The following GRIP1 variants were observed in gnomAD, a reference collection of about 807,000 sequenced individuals.
GRIP1 encodes glutamate receptor-interacting protein 1.
In GRIP1, 45 loss-of-function variants were observed where a neutral mutation model predicts 129.9. The ratio of observed to expected loss-of-function variants is 0.35; its 90% confidence interval spans 0.27 to 0.44. The LOEUF (loss-of-function observed/expected upper bound fraction) is 0.44. Ranked by LOEUF, GRIP1 falls within the 20% of genes least tolerant of loss-of-function variation. GRIP1 has a pLI of 1.00. For synonymous variants in GRIP1, 530 were observed against 520.8 expected (o/e 1.02, Z -0.24); for missense variants, 1,196 against 1,396.8 (o/e 0.86, Z 2.29).
intron 1 of GRIP1, among the ~76,000 whole-genome samples, chr12:67,020,091 A>G (rs2042843475): frequency 6.6e-6 from 1 of 152,192 alleles, no homozygotes. Context: ...TTTAAATATT[A>G]AGTGAAAAGC....
At chr12:66,935,317 T>C (rs75515858) in intron 1 of GRIP1, among the ~76,000 whole-genome samples, 2,141 of 152,194 alleles carry the variant, frequency 0.014, 56 homozygotes, top group African/African-American at 0.049. Context: ...TTGATAGAAG[T>C]CTCCATTATT....
chr12:66,933,174 GA>G (rs1345839195), intron 1 of GRIP1, among the ~76,000 whole-genome samples: 2 of 152,070 alleles, frequency 1.3e-5, no homozygotes, highest in Non-Finnish European at 2.9e-5. Flanking sequence ...CTTCTTTCTT[GA>G]ATACAGTCAA....
At chr12:66,637,413 TCTACATA>T (rs1347844265) in intron 1 of GRIP1, among the ~76,000 whole-genome samples, 1 of 151,882 alleles carries the variant, frequency 6.6e-6, no homozygotes, top group Non-Finnish European at 1.5e-5. Flanking sequence ...TGTATGTCCA[TCTACATA>T]CTACATACTC....
At chr12:66,971,506 G>A (rs1387072918) in intron 1 of GRIP1, among the ~76,000 whole-genome samples, 1 of 152,170 alleles carries the variant, frequency 6.6e-6, no homozygotes, top group Non-Finnish European at 1.5e-5. Flanking sequence ...AATATTTGTT[G>A]AGCACCTATT....
intron 1 of GRIP1, among the ~76,000 whole-genome samples, chr12:66,819,913 T>C (rs1316523013): frequency 6.6e-6 from 1 of 152,228 alleles, no homozygotes; most frequent in African/African-American, 2.4e-5. Context: ...GAACTGATGC[T>C]GGGCTAGGAA....
In GRIP1 at chr12:66,516,163, A is replaced by G. The variant is rs558510709; in HGVS notation, c.579-399T>C. On this transcript the variant is annotated intron_variant, in intron 6 of 24. Transcript: ENST00000359742. Reference sequence around the variant, plus strand: ...CAGAAAAGCCTGCGAATTTCATTCAAATCATTACTAGTGAATCCAAGCAGG... The same window carrying G: ...CAGAAAAGCCTGCGAATTTCATTCAGATCATTACTAGTGAATCCAAGCAGG... Among the ~76,000 whole-genome samples the G allele has an allele frequency of 3.3e-5, 5 of 152,280 alleles. No homozygotes were observed. The East Asian group carries it at 5.8e-4, about 18-fold the overall frequency.
intron 1 of GRIP1, among the ~76,000 whole-genome samples, chr12:66,644,386 A>T (rs1317857632): frequency 6.6e-6 from 1 of 152,212 alleles, no homozygotes; most frequent in Non-Finnish European, 1.5e-5. Flanking sequence ...AACTACAGAA[A>T]GAGCAATTGC....
At position 66,348,930 on chromosome 12, in the gene GRIP1, T is replaced by C. The variant is rs527813376; in HGVS notation, c.*89A>G. The C allele has an allele frequency of 1.3e-5, 12 of 921,788 alleles. No individual in the cohort carries two copies. The highest frequency in any genetic ancestry group is 1.8e-5 in the Non-Finnish European group (10 of 547,858). The allele number at this position is 921,788 out of a possible 1,614,324, so 57.1% of individuals were successfully genotyped here. On this transcript the variant is annotated 3_prime_UTR_variant, in exon 25 of 25. Coordinates refer to ENST00000359742, the MANE Select transcript of GRIP1 (RefSeq NM_001366722.1). Reference sequence around the variant, plus strand: ...TTGCAGTTAATGCCACGTTGATTGATTATCTGTGCTTCAAAGGTCACAGAA... The same window carrying C: ...TTGCAGTTAATGCCACGTTGATTGACTATCTGTGCTTCAAAGGTCACAGAA...
intron 1 of GRIP1, among the ~76,000 whole-genome samples, chr12:66,760,624 C>T (rs1592817977): frequency 2.0e-5 from 3 of 152,152 alleles, no homozygotes; most frequent in Admixed American, 6.5e-5. Context: ...GTTCCTCCCA[C>T]AAAGTGTGGG....
rs180825210 is a variant in GRIP1 at position 66,713,569 on chromosome 12, G to A, written c.-419-83233C>T. Among the ~76,000 whole-genome samples the A allele has an allele frequency of 1.6e-4, 25 of 151,852 alleles. No homozygotes were observed. The East Asian group carries it at 4.1e-3, about 25-fold the overall frequency. ...TCTTGAACCCCCCATTCTTGGTGCC[G>A]CTGCTCATGCTGTGCAGCTTATCTG... On this transcript the variant is annotated intron_variant, in intron 1 of 4. Coordinates refer to the GRIP1 transcript ENST00000538373.
intron 1 of GRIP1, among the ~76,000 whole-genome samples, chr12:66,742,142 C>T (rs572699714): frequency 6.6e-6 from 1 of 152,228 alleles, no homozygotes; most frequent in African/African-American, 2.4e-5. Flanking sequence ...CTGCCAGTTT[C>T]TCTGAGGTTT....
intron 1 of GRIP1, among the ~76,000 whole-genome samples, chr12:66,820,271 T>G (rs1354469023): frequency 6.6e-6 from 1 of 152,158 alleles, no homozygotes; most frequent in African/African-American, 2.4e-5. Context: ...TCATATGCGA[T>G]TAGAGAAATG....
intron 1 of GRIP1, among the ~76,000 whole-genome samples, chr12:66,721,710 G>A (rs2036062557): frequency 6.6e-6 from 1 of 152,138 alleles, no homozygotes; most frequent in Non-Finnish European, 1.5e-5. Flanking sequence ...AGTCCCAAAT[G>A]TCTTCTTCTT....
intron 1 of GRIP1, among the ~76,000 whole-genome samples, chr12:66,971,708 G>A (rs983469276): frequency 2.6e-5 from 4 of 152,170 alleles, no homozygotes; most frequent in Non-Finnish European, 5.9e-5. Flanking sequence ...ATCACAGAGA[G>A]TATAAATGTC....
At chr12:66,383,338 C>CAACA in intron 19 of GRIP1, among the ~76,000 whole-genome samples, 1 of 150,808 alleles carries the variant, frequency 6.6e-6, no homozygotes, top group Middle Eastern at 3.4e-3. Flanking sequence ...ACAACAACAA[C>CAACA]AACAACAGAC....
chr12:66,714,920 C>CA (rs111521755), intron 1 of GRIP1, among the ~76,000 whole-genome samples: 253 of 66,150 alleles, frequency 3.8e-3, no homozygotes, highest in East Asian at 7.7e-3. Flanking sequence ...TCCATCCATC[C>CA]ATCCAATCCA....
At chr12:66,979,233 A>AC (rs1379691279) in intron 1 of GRIP1, among the ~76,000 whole-genome samples, 16 of 100,134 alleles carry the variant, frequency 1.6e-4, no homozygotes, top group Admixed American at 5.4e-4. Flanking sequence ...AAAAAAAAAA[A>AC]AAAAAAAAAA....
At position 66,935,420 on chromosome 12, in the gene GRIP1, T is replaced by C. The variant is rs141078301; in HGVS notation, c.58+133630A>G. 9.3e-4 allele frequency among the ~76,000 whole-genome samples: 142 copies of C among 152,074 alleles called. 2 individuals are homozygous for C. Among genetic ancestry groups the C allele is most frequent in the African/African-American group, 3.3e-3 (135 of 41,496 alleles). On this transcript the variant is annotated intron_variant, in intron 1 of 1. Coordinates refer to the GRIP1 transcript ENST00000643019. ...TACTCATGGTAGGCCCCTAGATAAT[T>C]TCAGGATGGGGGCTGCCAAGCTAGA...
At chr12:67,060,938 G>A (rs565684329) in intron 1 of GRIP1, among the ~76,000 whole-genome samples, 63 of 152,102 alleles carry the variant, frequency 4.1e-4, no homozygotes, top group Non-Finnish European at 6.3e-4. Context: ...TTGGATATTG[G>A]GTTGTCAGAA....
Sources: allele counts gnomAD v4.1 joint callset (sites outside exome capture counted in the v4.1 genomes callset), GRCh38; gene constraint gnomAD v4.1.1; transcripts MANE v1.5; gene names NCBI Gene and HGNC (gene_info 2026-07-23, HGNC 2026-07-21).